SYBU: variants seen among roughly 807,000 people sequenced by gnomAD.
SYBU encodes GOLSYN A protein.
In SYBU, 21 loss-of-function variants were observed where a neutral mutation model predicts 35.9. The ratio of observed to expected loss-of-function variants is 0.58; its 90% confidence interval spans 0.41 to 0.84. SYBU has a LOEUF of 0.84. SYBU is among the 40% of genes least tolerant of loss of function. The pLI, the probability that SYBU is intolerant of heterozygous loss-of-function variation, is 0.00. For missense variants in SYBU, 768 were observed against 848.2 expected (o/e 0.91, Z 1.17); for synonymous variants, 319 against 324.3 (o/e 0.98, Z 0.18).
chr8:109,608,082 G>A, intron 3 of SYBU: 4 of 774,948 alleles, frequency 5.2e-6, no homozygotes, highest in Middle Eastern at 3.2e-4. Flanking sequence ...GCATGTGCAG[G>A]GCAAGGAAGT....
chr8:109,688,751 C>T (rs1817576818), intron 1 of SYBU, among the ~76,000 whole-genome samples: 1 of 149,302 alleles, frequency 6.7e-6, no homozygotes, highest in Non-Finnish European at 1.5e-5. Context: ...AGACTCAAAA[C>T]CTCAGTATTT....
At chr8:109,576,211 C>T (rs1000400108) in intron 6 of SYBU, among the ~76,000 whole-genome samples, 198 bp from the exon 7 acceptor site, 2 of 152,156 alleles carry the variant, frequency 1.3e-5, no homozygotes, top group Non-Finnish European at 2.9e-5. Context: ...GAAAACACTC[C>T]AGCCTAAACT....
chr8:109,646,286 T>G (rs540017427), upstream of SYBU: 14 of 152,332 alleles, frequency 9.2e-5, no homozygotes, highest in East Asian at 2.7e-3. Flanking sequence ...CCTCGAAAAC[T>G]GAGGGTCATT....
At chr8:109,674,931 A>G (rs1459035089) in intron 1 of SYBU, among the ~76,000 whole-genome samples, 5 of 152,100 alleles carry the variant, frequency 3.3e-5, no homozygotes, top group African/African-American at 9.7e-5. Flanking sequence ...AACTGAAATC[A>G]TAACAGTCTC....
chr8:109,637,760 G>A (rs898792067), intron 2 of SYBU, among the ~76,000 whole-genome samples: 3 of 152,100 alleles, frequency 2.0e-5, no homozygotes, highest in Non-Finnish European at 4.4e-5. Context: ...TTTCTGTTTG[G>A]CAAGGCCTGG....
intron 2 of SYBU, among the ~76,000 whole-genome samples, chr8:109,621,538 T>G (rs2130396218): frequency 6.6e-6 from 1 of 152,314 alleles, no homozygotes; most frequent in African/African-American, 2.4e-5. Flanking sequence ...ATGGTGTGTG[T>G]TGGGGGGGCA....
intron 3 of SYBU, among the ~76,000 whole-genome samples, chr8:109,616,200 C>T (rs1023260158): frequency 1.3e-5 from 2 of 150,728 alleles, no homozygotes; most frequent in African/African-American, 4.9e-5. Context: ...TTAGTAGAGA[C>T]GGGGTTTCAC....
intron 1 of SYBU, among the ~76,000 whole-genome samples, chr8:109,689,038 A>G (rs1817584349): frequency 6.6e-6 from 1 of 152,198 alleles, no homozygotes; most frequent in Non-Finnish European, 1.5e-5. Context: ...TGTATTACAT[A>G]CTTAGAATAT....
intron 2 of SYBU, among the ~76,000 whole-genome samples, chr8:109,630,909 C>G (rs963333434): frequency 6.6e-6 from 1 of 152,116 alleles, no homozygotes; most frequent in East Asian, 1.9e-4. Context: ...AAGAGGCCAA[C>G]AAGGTGACTT....
At chr8:109,589,923 C>A (rs1164247847) in intron 3 of SYBU, among the ~76,000 whole-genome samples, 1 of 152,016 alleles carries the variant, frequency 6.6e-6, no homozygotes, top group African/African-American at 2.4e-5. Context: ...TTAAGTAACC[C>A]CAAGCCCTCT....
upstream of SYBU, chr8:109,647,010 G>A (rs12550790): frequency 0.093 from 14,137 of 152,096 alleles, 882 homozygotes; most frequent in Admixed American, 0.21. Flanking sequence ...CTTTCTCTCC[G>A]ATCAGTGTCT....
Position 109,640,689 on chromosome 8 carries a change from A to G in SYBU, c.229+2039T>C, listed in dbSNP as rs114831745. ...GTAGGCAAAGCAGCAGTGGGTTTCCATCTTAAACTAGATTCATGTGATTCA... is the reference window on the plus strand; with the variant it reads ...GTAGGCAAAGCAGCAGTGGGTTTCCGTCTTAAACTAGATTCATGTGATTCA... On this transcript the variant is annotated intron_variant, in intron 2 of 6. Coordinates refer to ENST00000276646, the MANE Select transcript of SYBU (RefSeq NM_001099754.2). Among the ~76,000 whole-genome samples the G allele has an allele frequency of 9.6e-3, 1,454 of 152,184 alleles. 18 individuals are homozygous for G. Among genetic ancestry groups the G allele is most frequent in the African/African-American group, 0.031 (1,302 of 41,552 alleles).
intron 1 of SYBU, among the ~76,000 whole-genome samples, chr8:109,661,428 C>T (rs1816557058): frequency 6.6e-6 from 1 of 152,330 alleles, no homozygotes; most frequent in South Asian, 2.1e-4. Flanking sequence ...TATGTAAATG[C>T]AATGAGAATG....
chr8:109,627,699 C>T (rs1332987516), intron 2 of SYBU, among the ~76,000 whole-genome samples: 2 of 152,154 alleles, frequency 1.3e-5, no homozygotes, highest in African/African-American at 4.8e-5. Context: ...CAAGAGGAAA[C>T]ATCAGCAATT....
chr8:109,644,584 C>T, intron 1 of SYBU, 52 bp downstream of exon 1: 1 of 1,532,438 alleles, frequency 6.5e-7, no homozygotes, highest in South Asian at 1.2e-5. Flanking sequence ...TCTCGCCCCG[C>T]AGTGCCCGCC....
At chr8:109,667,431 A>G (rs760804902) in intron 1 of SYBU, among the ~76,000 whole-genome samples, 10 of 151,964 alleles carry the variant, frequency 6.6e-5, no homozygotes, top group Non-Finnish European at 1.3e-4. Flanking sequence ...TTATTTTTAT[A>G]ATGACTGTAC....
intron 1 of SYBU, among the ~76,000 whole-genome samples, chr8:109,663,095 T>C (rs1442272087): frequency 6.6e-6 from 1 of 152,216 alleles, no homozygotes; most frequent in Non-Finnish European, 1.5e-5. Context: ...GGAAGATAGC[T>C]ACTTCTTTCT....
intron 1 of SYBU, among the ~76,000 whole-genome samples, chr8:109,653,864 GT>G (rs1816252232): frequency 6.6e-6 from 1 of 151,988 alleles, no homozygotes. Flanking sequence ...TGGAAGTTGT[GT>G]TTCTTCCTAT....
chr8:109,657,470 G>A (rs1307581115), intron 1 of SYBU, among the ~76,000 whole-genome samples: 1 of 152,212 alleles, frequency 6.6e-6, no homozygotes, highest in Non-Finnish European at 1.5e-5. Context: ...AAGGCTGACA[G>A]CAGGTCTGTA....
Sources: gnomAD v4.1 joint callset for allele counts (sites outside exome capture counted in the v4.1 genomes callset) on GRCh38, gnomAD v4.1.1 for gene constraint, MANE v1.5 for transcripts, NCBI Gene and HGNC (gene_info 2026-07-23, HGNC 2026-07-21) for gene names.